The following NUP54 variants were observed in gnomAD, a reference collection of about 807,000 sequenced individuals.
NUP54 encodes nucleoporin p54.
NUP54 carries 27 observed loss-of-function variants against 66.4 expected under a neutral mutation model. The ratio of observed to expected loss-of-function variants is 0.41; its 90% CI spans 0.30 to 0.56. NUP54 has a LOEUF of 0.56. NUP54 is among the 20% of genes least tolerant of loss of function. NUP54 has a pLI of 0.34. For synonymous variants in NUP54, 206 were observed against 210.7 expected (o/e 0.98, Z 0.19); for missense variants, 486 against 596.3 (o/e 0.82, Z 1.93).
At chr4:76,139,829 G>C (rs1731188591) in intron 3 of NUP54, among the ~76,000 whole-genome samples, 1 of 152,138 alleles carries the variant, frequency 6.6e-6, no homozygotes, top group South Asian at 2.1e-4. Flanking sequence ...TCTGACTTTT[G>C]ATGACTCCAG....
intron 6 of NUP54, 133 bp from the exon 7 acceptor site, chr4:76,131,417 G>C: frequency 1.9e-6 from 1 of 515,364 alleles, no homozygotes. Flanking sequence ...TATAATCATG[G>C]TAAAAATACA....
At chr4:76,138,731 A>G (rs999105120) in intron 3 of NUP54, among the ~76,000 whole-genome samples, 3 of 152,204 alleles carry the variant, frequency 2.0e-5, no homozygotes, top group Non-Finnish European at 4.4e-5. Context: ...GGAGTCAGCT[A>G]AGCCATGGGG....
intron 1 of NUP54, among the ~76,000 whole-genome samples, chr4:76,145,232 GGC>G (rs1317912996): frequency 6.6e-6 from 1 of 150,784 alleles, no homozygotes; most frequent in African/African-American, 2.4e-5. Context: ...GCAGGAGAAT[GGC>G]GTGGACCCGG....
At chr4:76,147,908 T>C (rs886998830) in intron 1 of NUP54, 1 of 281,416 alleles carries the variant, frequency 3.6e-6, no homozygotes, top group African/African-American at 2.2e-5. Flanking sequence ...TCCCCAGCCC[T>C]ATCCTCGCCG....
intron 3 of NUP54, among the ~76,000 whole-genome samples, chr4:76,141,438 C>G (rs1224497862): frequency 6.6e-6 from 1 of 152,150 alleles, no homozygotes; most frequent in Non-Finnish European, 1.5e-5. Flanking sequence ...ATTATCTACC[C>G]ACAAACATCT....
chr4:76,147,709 A>G (rs1490222102), intron 1 of NUP54: 3 of 1,163,484 alleles, frequency 2.6e-6, no homozygotes, highest in South Asian at 1.3e-5. Flanking sequence ...AGAAAGCAAG[A>G]TAAGGATTAG....
chr4:76,145,852 C>T (rs1185651584), intron 1 of NUP54: 5 of 271,842 alleles, frequency 1.8e-5, no homozygotes, highest in Non-Finnish European at 3.6e-5. Flanking sequence ...ATATTAATCA[C>T]CTCATTCTGA....
chr4:76,137,567 T>C (rs1187473565), intron 3 of NUP54, among the ~76,000 whole-genome samples: 1 of 152,168 alleles, frequency 6.6e-6, no homozygotes, highest in Non-Finnish European at 1.5e-5. Context: ...AAAAAATATA[T>C]ATAGTAATAA....
intron 9 of NUP54, chr4:76,118,451 A>G: frequency 5.4e-6 from 2 of 372,506 alleles, no homozygotes; most frequent in Non-Finnish European, 1.0e-5. Context: ...AGTGGCGTAA[A>G]CACAGCTCAC....
intron 1 of NUP54, chr4:76,145,796 A>G (rs2109915379): frequency 3.9e-6 from 1 of 258,502 alleles, no homozygotes; most frequent in South Asian, 3.8e-5. Flanking sequence ...AGATTCATCA[A>G]TATTGCAATA....
chr4:76,133,718 C>T (rs1225840161), intron 5 of NUP54, among the ~76,000 whole-genome samples: 1 of 149,430 alleles, frequency 6.7e-6, no homozygotes, highest in African/African-American at 2.4e-5. Context: ...CAATTACAAC[C>T]ACAAGTAAAA....
At chr4:76,123,155 A>C (rs534025439) in intron 9 of NUP54, among the ~76,000 whole-genome samples, 66 of 152,354 alleles carry the variant, frequency 4.3e-4, no homozygotes, top group African/African-American at 1.6e-3. Flanking sequence ...CAAGTCTCTG[A>C]ATATACTAAA....
intron 3 of NUP54, among the ~76,000 whole-genome samples, chr4:76,139,260 G>A (rs114538481): frequency 0.015 from 2,355 of 152,174 alleles, 54 homozygotes; most frequent in African/African-American, 0.053. Flanking sequence ...ATAAAGATAC[G>A]CTGTCACCAT....
At position 76,144,486 on chromosome 4, in the gene NUP54, G is replaced by C; in HGVS notation, c.68-13C>G. 6.4e-7 allele frequency: 1 copy of C among 1,561,554 alleles called. No homozygotes were observed. The highest frequency in any genetic ancestry group is 8.6e-7 in the Non-Finnish European group (1 of 1,159,544). ...CCTCCAAACCCACCTAATTAAAAAA[G>C]AACAAAAATAGAAAGGAAGAATCTT... On this transcript the variant is annotated splice_polypyrimidine_tract_variant and intron_variant, in intron 1 of 11. Transcript: ENST00000264883.
At chr4:76,121,774 T>C (rs534802315) in intron 9 of NUP54, among the ~76,000 whole-genome samples, 32 of 152,360 alleles carry the variant, frequency 2.1e-4, no homozygotes, top group African/African-American at 6.7e-4. Flanking sequence ...TTTGTCACCA[T>C]AGTGAATGGA....
intron 1 of NUP54, among the ~76,000 whole-genome samples, chr4:76,145,305 G>A (rs1446828223): frequency 1.5e-5 from 2 of 136,530 alleles, no homozygotes; most frequent in Admixed American, 7.5e-5. Context: ...GCGACAGGGT[G>A]AGACTCCGTC....
chr4:76,142,510 G>A (rs7657823), intron 3 of NUP54, among the ~76,000 whole-genome samples: 73,149 of 152,046 alleles, frequency 0.48, 18,629 homozygotes, highest in East Asian at 0.9. Flanking sequence ...AGTTGAATTT[G>A]CATCCCTGTA....
chr4:76,128,198 T>C (rs975105385), intron 8 of NUP54, among the ~76,000 whole-genome samples: 29 of 152,182 alleles, frequency 1.9e-4, no homozygotes, highest in African/African-American at 6.7e-4. Flanking sequence ...TTCCTTGTTG[T>C]GGGAGTACTG....
At chr4:76,135,785 T>C (rs1731014043) in intron 4 of NUP54, among the ~76,000 whole-genome samples, 1 of 152,226 alleles carries the variant, frequency 6.6e-6, no homozygotes, top group East Asian at 1.9e-4. Context: ...AAATGGGCAA[T>C]ATTGTTTTAA....
Sources: allele counts gnomAD v4.1 joint callset (sites outside exome capture counted in the v4.1 genomes callset), GRCh38; gene constraint gnomAD v4.1.1; transcripts MANE v1.5; gene names NCBI Gene and HGNC (gene_info 2026-07-23, HGNC 2026-07-21).